C19orf38: variants seen among roughly 807,000 people sequenced by gnomAD.
C19orf38 encodes chromosome 19 open reading frame 38, also known as protein HIDE1.
In C19orf38, 14 loss-of-function variants were observed where a neutral mutation model predicts 26.6. The observed-to-expected ratio is 0.53, with a 90% CI of 0.35 to 0.82. The LOEUF (loss-of-function observed/expected upper bound fraction) is 0.82, where lower values mean the gene tolerates loss of function less well. C19orf38 is among the 40% of genes least tolerant of loss of function. The pLI is 0.01. For synonymous variants in C19orf38, 132 were observed against 128.5 expected, an observed-to-expected ratio of 1.03 and a Z score of -0.18; for missense variants, 261 against 299.5, an observed-to-expected ratio of 0.87 and a Z score of 0.95.
chr19:10,839,674 T>C (rs544527843), intron 1 of C19orf38, among the ~76,000 whole-genome samples: 259 of 152,288 alleles, frequency 1.7e-3, no homozygotes, highest in African/African-American at 6.1e-3. Flanking sequence ...TAATTCCTTT[T>C]TATGGCTGAG....
intron 3 of C19orf38, among the ~76,000 whole-genome samples, chr19:10,857,190 G>C (rs972874616): frequency 2.7e-5 from 4 of 150,846 alleles, no homozygotes; most frequent in Non-Finnish European, 5.9e-5. Flanking sequence ...TCCTGCCTCA[G>C]CCTCCCAAAA....
intron 1 of C19orf38, 122 bp downstream of exon 1, chr19:10,848,661 AGCCCTTG>A (rs1203999288): frequency 6.8e-6 from 6 of 882,610 alleles, no homozygotes. Context: ...GAGGAGGCTG[AGCCCTTG>A]GCAGATGGGT....
upstream of C19orf38, among the ~76,000 whole-genome samples, chr19:10,844,581 C>G (rs908694442): frequency 1.3e-5 from 2 of 151,774 alleles, no homozygotes; most frequent in East Asian, 1.9e-4. Context: ...GGTGCAGTGG[C>G]TCACGCCTGT....
At chr19:10,850,687 T>C in intron 2 of C19orf38, 120 bp downstream of exon 2, 1 of 1,060,334 alleles carries the variant, frequency 9.4e-7, no homozygotes. Context: ...CTGCCAGGAC[T>C]TACTCGCCTT....
chr19:10,851,350 C>CTT lies in C19orf38; in HGVS notation c.340+796_340+797dup, dbSNP rs56183502. Among the ~76,000 whole-genome samples the CTT allele has an allele frequency of 5.9e-3, 852 of 143,202 alleles. 5 individuals are homozygous for CTT. Among genetic ancestry groups the CTT allele is most frequent in the African/African-American group, 0.01 (390 of 38,632 alleles). 93.9% of individuals were successfully genotyped at this position (143,202 alleles called of 152,430 possible). On this transcript the variant is annotated intron_variant, in intron 2 of 6. Transcript: ENST00000397820. ...TACAGGCATGAGCCACTGCACCTGGCTTTTTTTTTTTTTTAAATGAGACAA... is the reference window on the plus strand; with the variant it reads ...TACAGGCATGAGCCACTGCACCTGGCTTTTTTTTTTTTTTTTAAATGAGACAA...
intron 1 of C19orf38, among the ~76,000 whole-genome samples, chr19:10,843,371 T>C (rs1238177253): frequency 6.6e-6 from 1 of 152,242 alleles, no homozygotes; most frequent in Non-Finnish European, 1.5e-5. Flanking sequence ...CCTATCTGCC[T>C]AGGCATTTGT....
At chr19:10,837,111 C>T (rs775354723) in intron 1 of C19orf38, among the ~76,000 whole-genome samples, 7 of 152,194 alleles carry the variant, frequency 4.6e-5, no homozygotes, top group Non-Finnish European at 7.3e-5. Context: ...AATAGGCCTA[C>T]GCTACTGGGC....
chr19:10,847,046 T>C (rs2073523998), upstream of C19orf38, among the ~76,000 whole-genome samples: 1 of 152,190 alleles, frequency 6.6e-6, no homozygotes, highest in Admixed American at 6.6e-5. Context: ...ATTTTGGTGT[T>C]TGATGACCAC....
intron 4 of C19orf38, among the ~76,000 whole-genome samples, chr19:10,859,304 G>GTGTA (rs1437449518): frequency 7.0e-6 from 1 of 141,956 alleles, no homozygotes; most frequent in Non-Finnish European, 1.5e-5. Flanking sequence ...ATGTGTGTGT[G>GTGTA]TGTATGTATG....
intron 2 of C19orf38, among the ~76,000 whole-genome samples, chr19:10,855,593 A>G (rs1221810668): frequency 1.3e-5 from 2 of 152,154 alleles, no homozygotes; most frequent in Non-Finnish European, 2.9e-5. Context: ...CAGTGGCGCC[A>G]TCTCAGCTCA....
At chr19:10,842,099 AG>A in intron 1 of C19orf38, 1 of 1,584,558 alleles carries the variant, frequency 6.3e-7, no homozygotes, top group Non-Finnish European at 8.7e-7. Flanking sequence ...AGACTCCCGT[AG>A]GTAATGCTGC....
intron 1 of C19orf38, among the ~76,000 whole-genome samples, chr19:10,848,887 G>C (rs563408208): frequency 1.6e-4 from 25 of 152,104 alleles, no homozygotes; most frequent in Admixed American, 5.2e-4. Context: ...AGTGTGGCAG[G>C]GGTGGGTGGG....
chr19:10,842,044 C>T (rs1199996368), intron 1 of C19orf38: 7 of 1,609,588 alleles, frequency 4.3e-6, no homozygotes, highest in African/African-American at 1.3e-5. Context: ...CCATCTGTTG[C>T]TCAGATTGGA....
At position 10,850,292 on chromosome 19, in the gene C19orf38, T is replaced by C; in HGVS notation, c.65T>C (p.Leu22Pro). The change falls in exon 2 of 7, where the codon CTG becomes CCG. Residue 22 changes from leucine to proline, a missense_variant. Physicochemically the swap from Leu to Pro is moderately conservative, Grantham distance 98. Transcript: ENST00000397820. Reference sequence around the variant, plus strand: ...GCGATCCCAGCACCATCCATCCGGCTGGTGCCCCCGTACCCAAGCAGCCAA... The same window carrying C: ...GCGATCCCAGCACCATCCATCCGGCCGGTGCCCCCGTACCCAAGCAGCCAA... Reference protein sequence around the residue: ...SLAIPAPSIRLVPPYPSSQED... With the variant: ...SLAIPAPSIRPVPPYPSSQED... 6.4e-7 allele frequency: 1 copy of C among 1,550,822 alleles called. No homozygotes were observed. Among genetic ancestry groups the C allele is most frequent in the Non-Finnish European group, 8.7e-7 (1 of 1,146,942 alleles).
At chr19:10,847,475 G>A (rs1038052273), upstream of C19orf38, among the ~76,000 whole-genome samples, 3 of 150,406 alleles carry the variant, frequency 2.0e-5, no homozygotes, top group Non-Finnish European at 4.4e-5. Context: ...CTGGGTTCAA[G>A]TGATTCTCCT....
At chr19:10,862,564 T>C (rs894126727) in intron 5 of C19orf38, among the ~76,000 whole-genome samples, 7 of 151,698 alleles carry the variant, frequency 4.6e-5, no homozygotes, top group Non-Finnish European at 1.0e-4. Context: ...GTGTGGTGGC[T>C]CACACCTGTA....
At chr19:10,840,113 T>C (rs2073468315) in intron 1 of C19orf38, among the ~76,000 whole-genome samples, 1 of 152,230 alleles carries the variant, frequency 6.6e-6, no homozygotes, top group African/African-American at 2.4e-5. Context: ...AACATGTATG[T>C]ATGTGTATTT....
chr19:10,841,860 G>A (rs2073480420), intron 1 of C19orf38: 1 of 1,475,206 alleles, frequency 6.8e-7, no homozygotes, highest in Non-Finnish European at 9.5e-7. Flanking sequence ...CCCATTTCCT[G>A]AGGGAATGGG....
chr19:10,866,357 A>ATTTT, intron 6 of C19orf38, among the ~76,000 whole-genome samples: 1 of 125,646 alleles, frequency 8.0e-6, no homozygotes, highest in Non-Finnish European at 1.7e-5. Flanking sequence ...TGCCCAGCTA[A>ATTTT]TTTTTTTTTT....
Sources: allele counts gnomAD v4.1 joint callset (sites outside exome capture counted in the v4.1 genomes callset), GRCh38; gene constraint gnomAD v4.1.1; transcripts MANE v1.5; gene names NCBI Gene and HGNC (gene_info 2026-07-23, HGNC 2026-07-21).